LDLRAD4: variants seen among roughly 807,000 people sequenced by gnomAD.
LDLRAD4 encodes the protein low-density lipoprotein receptor class A domain-containing protein 4.
In LDLRAD4, 5 loss-of-function variants were observed where a neutral mutation model predicts 17.0. That is an observed-to-expected ratio of 0.29 (90% CI 0.15 to 0.62). The LOEUF (loss-of-function observed/expected upper bound fraction) is 0.62. Among genes scored for constraint, LDLRAD4 ranks in the 20% least tolerant of loss-of-function variants. The pLI is 0.84. For missense variants in LDLRAD4, 340 were observed against 424.7 expected, an observed-to-expected ratio of 0.80 and a Z score of 1.75; for synonymous variants, 168 against 171.8, an observed-to-expected ratio of 0.98 and a Z score of 0.17.
chr18:13,623,044 GC>G (rs1037352183), intron 4 of LDLRAD4, among the ~76,000 whole-genome samples: 2 of 152,198 alleles, frequency 1.3e-5, no homozygotes, highest in African/African-American at 4.8e-5. Flanking sequence ...TGCAGACCCA[GC>G]CCCGCTTGCT....
intron 3 of LDLRAD4, among the ~76,000 whole-genome samples, chr18:13,569,835 A>G (rs916009367): frequency 9.2e-5 from 14 of 152,242 alleles, no homozygotes; most frequent in Admixed American, 9.2e-4. Flanking sequence ...CAGTGAGCCA[A>G]TATCGTGCCA....
chr18:13,564,772 C>T (rs2094579725), intron 3 of LDLRAD4, among the ~76,000 whole-genome samples: 1 of 152,096 alleles, frequency 6.6e-6, no homozygotes, highest in African/African-American at 2.4e-5. Context: ...TGCTCCAGCC[C>T]TCCCGTGATG....
At chr18:13,402,501 G>A (rs2087319867) in intron 2 of LDLRAD4, among the ~76,000 whole-genome samples, 1 of 152,130 alleles carries the variant, frequency 6.6e-6, no homozygotes, top group African/African-American at 2.4e-5. Context: ...AGAGACTTAC[G>A]AAAAATTAAA....
Position 13,633,936 on chromosome 18 carries a change from G to C in LDLRAD4, c.337-9423G>C, listed in dbSNP as rs564368974. On this transcript the variant is annotated intron_variant, in intron 4 of 5. Transcript: ENST00000359446. ...ACACAGCCCTGGCCATGCCTCCCCTGCTGCAGCCAGCATCTTCACAGCAGC... is the reference window on the plus strand; with the variant it reads ...ACACAGCCCTGGCCATGCCTCCCCTCCTGCAGCCAGCATCTTCACAGCAGC... Among the ~76,000 whole-genome samples the C allele has an allele frequency of 3.3e-4, 51 of 152,346 alleles. No individual in the cohort carries two copies. In the South Asian group the frequency reaches 7.5e-3, roughly 22 times the overall value.
chr18:13,227,859 A>G (rs1489396646), intron 1 of LDLRAD4, among the ~76,000 whole-genome samples: 1 of 152,200 alleles, frequency 6.6e-6, no homozygotes, highest in Non-Finnish European at 1.5e-5. Flanking sequence ...CTCCCCCAAC[A>G]CATGGGGATT....
chr18:13,645,230 A>G lies in LDLRAD4; in HGVS notation c.494A>G (p.Glu165Gly). 1 of 1,614,094 alleles carries G rather than the reference A, an allele frequency of 6.2e-7. No homozygotes were observed. The highest frequency in any genetic ancestry group is 8.5e-7 in the Non-Finnish European group (1 of 1,180,014). ...CCCACCTACCCCTATGTGCAGCACG[A>G]GATTGATCTTCCTCCCACCATCTCC... The change falls in exon 6 of 6, where the codon GAG (glutamate) becomes GGG (glycine). Residue 165 changes from glutamate to glycine, a missense_variant. Glu to Gly is a moderately conservative substitution (Grantham distance 98). Coordinates refer to ENST00000359446, the Ensembl canonical transcript of LDLRAD4. The surrounding 1 kb of genome is among the most constrained non-coding windows in gnomAD (Gnocchi z 5.7).
chr18:13,410,296 A>G (rs1173274242), intron 2 of LDLRAD4, among the ~76,000 whole-genome samples: 3 of 152,066 alleles, frequency 2.0e-5, no homozygotes, highest in African/African-American at 7.2e-5. Context: ...GGATCCTGGG[A>G]TAGAAGAGGG....
At chr18:13,404,693 G>A (rs1454780540) in intron 2 of LDLRAD4, among the ~76,000 whole-genome samples, 1 of 151,960 alleles carries the variant, frequency 6.6e-6, no homozygotes, top group Non-Finnish European at 1.5e-5. Context: ...AGCTACTCGG[G>A]AGGCTGAGGC....
exon 6 of LDLRAD4, chr18:13,646,301 C>T (rs928276063): frequency 3.9e-5 from 6 of 152,654 alleles, no homozygotes; most frequent in African/African-American, 1.2e-4. Context: ...TGTATGTTGT[C>T]TTTTCACCTG....
intron 1 of LDLRAD4, among the ~76,000 whole-genome samples, chr18:13,330,675 A>G (rs944560709): frequency 6.6e-6 from 1 of 152,172 alleles, no homozygotes; most frequent in African/African-American, 2.4e-5. Context: ...AAATCCTTAG[A>G]ATCTCCACAG....
chr18:13,309,556 C>A (rs777915347), intron 1 of LDLRAD4, among the ~76,000 whole-genome samples: 1 of 152,198 alleles, frequency 6.6e-6, no homozygotes, highest in Non-Finnish European at 1.5e-5. Context: ...CTCTAGCACT[C>A]TTAATAATCA....
rs1439679813 is a variant in LDLRAD4 at position 13,293,481 on chromosome 18, A to G, written c.-383+15293A>G. ...GCAAACACCTCCTCATGTAGAAGTT[A>G]TGCAAACCTATGCAAACCCCATACA... On this transcript the variant is annotated intron_variant, in intron 1 of 5. Transcript: ENST00000359446. Among the ~76,000 whole-genome samples, 3 of 152,242 alleles carry G rather than the reference A, an allele frequency of 2.0e-5. No individual in the cohort carries two copies. In the East Asian group the frequency reaches 5.8e-4, roughly 29 times the overall value.
At chr18:13,612,911 G>T in intron 3 of LDLRAD4, 2 of 934,006 alleles carry the variant, frequency 2.1e-6, no homozygotes, top group South Asian at 1.7e-5. Context: ...CCTAAGAGGG[G>T]TCTGTCAACT....
At chr18:13,513,095 T>C (rs576313603) in intron 3 of LDLRAD4, among the ~76,000 whole-genome samples, 6 of 152,298 alleles carry the variant, frequency 3.9e-5, no homozygotes, top group African/African-American at 1.2e-4. Context: ...GTCTTGCACA[T>C]TACATAAGCT....
At chr18:13,403,126 T>A (rs1436982975) in intron 2 of LDLRAD4, among the ~76,000 whole-genome samples, 2 of 152,258 alleles carry the variant, frequency 1.3e-5, no homozygotes, top group African/African-American at 2.4e-5. Flanking sequence ...AGGATGATTC[T>A]GTTTTTTAAA....
At chr18:13,387,359 G>A (rs2085917755) in exon 2 of LDLRAD4, 1 of 212,036 alleles carries the variant, frequency 4.7e-6, no homozygotes, top group Non-Finnish European at 9.2e-6. Context: ...GCGGAGCACA[G>A]AGAGCTGCGG....
intron 1 of LDLRAD4, among the ~76,000 whole-genome samples, chr18:13,334,404 A>AT (rs2082008654): frequency 6.6e-6 from 1 of 151,982 alleles, no homozygotes; most frequent in African/African-American, 2.4e-5. Flanking sequence ...CGCCTGGCTA[A>AT]TTTTTTGTAT....
chr18:13,605,101 G>T (rs34118205), intron 3 of LDLRAD4, among the ~76,000 whole-genome samples: 11 of 152,374 alleles, frequency 7.2e-5, no homozygotes, highest in Admixed American at 2.0e-4. Context: ...TGGCACTTGA[G>T]TTTGTCCAGA....
At chr18:13,557,111 A>G (rs2094491763) in intron 3 of LDLRAD4, among the ~76,000 whole-genome samples, 1 of 151,322 alleles carries the variant, frequency 6.6e-6, no homozygotes, top group Non-Finnish European at 1.5e-5. Flanking sequence ...CCTAGCCAAC[A>G]CCGCAAACCC....
Sources: allele counts gnomAD v4.1 joint callset (sites outside exome capture counted in the v4.1 genomes callset), GRCh38; gene constraint gnomAD v4.1.1; non-coding constraint Gnocchi (gnomAD v3.1); transcripts MANE v1.5; gene names NCBI Gene and HGNC (gene_info 2026-07-23, HGNC 2026-07-21).